EXOC4: variants seen among roughly 807,000 people sequenced by gnomAD.
EXOC4 encodes the protein SEC8-like 1.
A neutral mutation model predicts 107.2 loss-of-function variants in EXOC4; 71 were observed. The ratio of observed to expected loss-of-function variants is 0.66; its 90% CI spans 0.55 to 0.81. EXOC4 has a LOEUF of 0.81. Ranked by LOEUF, EXOC4 falls within the 30% of genes least tolerant of loss-of-function variation. The probability of loss-of-function intolerance (pLI) is 0.00; values close to 1 mark genes in which losing one functional copy is unlikely to be tolerated. For synonymous variants in EXOC4, 456 were observed against 441.2 expected (o/e 1.03, Z -0.42); for missense variants, 1,108 against 1,189.6 (o/e 0.93, Z 1.01).
At chr7:133,666,828 A>AT (rs1282660569) in intron 10 of EXOC4, among the ~76,000 whole-genome samples, 2 of 152,084 alleles carry the variant, frequency 1.3e-5, no homozygotes, top group Non-Finnish European at 2.9e-5. Flanking sequence ...CTAATCAAAG[A>AT]TTTTTTCCTT....
intron 17 of EXOC4, among the ~76,000 whole-genome samples, chr7:134,046,481 C>CA (rs1202342530): frequency 4.0e-5 from 6 of 148,694 alleles, no homozygotes; most frequent in East Asian, 4.3e-4. Context: ...AAAAAAAAAA[C>CA]AAAAAAAGAC....
At chr7:133,971,282 AT>A (rs1473221535) in intron 14 of EXOC4, among the ~76,000 whole-genome samples, 1 of 145,892 alleles carries the variant, frequency 6.9e-6, no homozygotes, top group African/African-American at 2.5e-5. Context: ...TTTAAAAAAA[AT>A]ATTCCCAGCT....
At chr7:133,845,751 G>A (rs1419106144) in intron 11 of EXOC4, among the ~76,000 whole-genome samples, 1 of 152,096 alleles carries the variant, frequency 6.6e-6, no homozygotes, top group East Asian at 1.9e-4. Flanking sequence ...GCTAAAGGAA[G>A]CTTTGCTTAC....
In EXOC4 at chr7:133,603,312, C is replaced by T. The variant is rs950559181; in HGVS notation, c.1418-26733C>T. ...ATTGATTTAGAGCTGCTTCTTTGTGCTCTACAAAAAATAATTTTTAAACTC... is the reference window on the plus strand; with the variant it reads ...ATTGATTTAGAGCTGCTTCTTTGTGTTCTACAAAAAATAATTTTTAAACTC... On this transcript the variant is annotated intron_variant, in intron 9 of 17. Coordinates refer to ENST00000253861, the MANE Select transcript of EXOC4 (RefSeq NM_021807.4). Among the ~76,000 whole-genome samples, 29 of 152,142 alleles carry T rather than the reference C, an allele frequency of 1.9e-4. 1 individual carries two copies. Among genetic ancestry groups the T allele is most frequent in the Non-Finnish European group, 1.0e-4 (7 of 68,034 alleles).
At chr7:133,416,376 T>C (rs780788901) in intron 7 of EXOC4, among the ~76,000 whole-genome samples, 4 of 152,216 alleles carry the variant, frequency 2.6e-5, no homozygotes, top group Admixed American at 6.5e-5. Flanking sequence ...ACAAGTTTTT[T>C]ATTCATACTT....
intron 14 of EXOC4, among the ~76,000 whole-genome samples, chr7:133,981,358 G>A (rs1376993399): frequency 6.6e-6 from 1 of 152,088 alleles, no homozygotes; most frequent in African/African-American, 2.4e-5. Flanking sequence ...CATTGTTTCA[G>A]TGCCCACATA....
chr7:133,771,574 A>G (rs1796244984), intron 10 of EXOC4: 2 of 152,034 alleles, frequency 1.3e-5, no homozygotes. Context: ...AGGAATGAAA[A>G]TAGAATTGCA....
intron 9 of EXOC4, among the ~76,000 whole-genome samples, chr7:133,540,434 C>T (rs1206391770): frequency 6.6e-6 from 1 of 152,174 alleles, no homozygotes; most frequent in East Asian, 1.9e-4. Context: ...CAACTGATTA[C>T]CCCATCATAG....
At chr7:133,662,323 A>G (rs1177078263) in intron 10 of EXOC4, among the ~76,000 whole-genome samples, 1 of 152,154 alleles carries the variant, frequency 6.6e-6, no homozygotes, top group African/African-American at 2.4e-5. Context: ...AGCAAAGGAC[A>G]CAGAAAGAAA....
chr7:133,413,787 G>C (rs930872307), intron 7 of EXOC4, among the ~76,000 whole-genome samples: 1 of 152,120 alleles, frequency 6.6e-6, no homozygotes, highest in Non-Finnish European at 1.5e-5. Flanking sequence ...CAAAGCTGCT[G>C]AGAGCTATGT....
intron 4 of EXOC4, 58 bp from the exon 5 acceptor site, chr7:133,317,226 G>A (rs1400403593): frequency 1.5e-5 from 18 of 1,207,410 alleles, no homozygotes; most frequent in Non-Finnish European, 2.0e-5. Context: ...GGGCTGTAGT[G>A]GGAGGACTTT....
intron 9 of EXOC4, among the ~76,000 whole-genome samples, chr7:133,523,509 G>A (rs1184394546): frequency 1.3e-5 from 2 of 149,414 alleles, no homozygotes; most frequent in African/African-American, 4.9e-5. Context: ...AGTTACATAC[G>A]TATACATGTG....
intron 15 of EXOC4, among the ~76,000 whole-genome samples, chr7:133,999,762 G>A (rs1794488510): frequency 6.6e-6 from 1 of 152,116 alleles, no homozygotes; most frequent in East Asian, 1.9e-4. Flanking sequence ...TCTACATTCA[G>A]AATTGTTTAC....
intron 10 of EXOC4, among the ~76,000 whole-genome samples, chr7:133,696,535 G>A (rs997466429): frequency 1.3e-5 from 2 of 152,138 alleles, no homozygotes; most frequent in African/African-American, 4.8e-5. Flanking sequence ...AGAAAATATA[G>A]CTCCTCTTTT....
intron 11 of EXOC4, among the ~76,000 whole-genome samples, chr7:133,830,222 G>T (rs909543207): frequency 6.6e-6 from 1 of 152,130 alleles, no homozygotes; most frequent in Non-Finnish European, 1.5e-5. Context: ...TTCGGAATTT[G>T]TTGTCCCCTT....
At chr7:133,805,179 C>T (rs942866864) in intron 10 of EXOC4, among the ~76,000 whole-genome samples, 1 of 152,054 alleles carries the variant, frequency 6.6e-6, no homozygotes, top group African/African-American at 2.4e-5. Flanking sequence ...ATACATAAAG[C>T]GGTTTTAAAG....
chr7:133,998,876 G>A (rs1419746836), intron 15 of EXOC4, among the ~76,000 whole-genome samples: 1 of 152,152 alleles, frequency 6.6e-6, no homozygotes, highest in Non-Finnish European at 1.5e-5. Context: ...AGAAGCATAG[G>A]ATTTGGGACA....
chr7:133,900,664 G>A (rs932406677), intron 12 of EXOC4, among the ~76,000 whole-genome samples: 3 of 152,122 alleles, frequency 2.0e-5, no homozygotes, highest in Non-Finnish European at 4.4e-5. Context: ...GAGACATTAA[G>A]TGCCTGAATC....
Position 133,656,538 on chromosome 7 carries a change from A to G in EXOC4, c.1514+26397A>G, listed in dbSNP as rs1481364777. On this transcript the variant is annotated intron_variant, in intron 10 of 17. Transcript: ENST00000253861. ...AGTGATCCTATTAAGGTAATAATGC[A>G]AATGAGACAACAGCCAACTACTAAT... is the stretch of plus-strand genomic sequence containing the variant. 2.6e-5 allele frequency among the ~76,000 whole-genome samples: 4 copies of G among 152,268 alleles called. No homozygotes were observed. The East Asian group carries it at 5.8e-4, about 22-fold the overall frequency.
Sources: allele counts gnomAD v4.1 joint callset (sites outside exome capture counted in the v4.1 genomes callset), GRCh38; gene constraint gnomAD v4.1.1; transcripts MANE v1.5; gene names NCBI Gene and HGNC (gene_info 2026-07-23, HGNC 2026-07-21).